The following CADPS variants were observed in gnomAD, a reference collection of about 807,000 sequenced individuals.
CADPS encodes the protein calcium dependent secretion activator, also known as calcium-dependent secretion activator 1.
Under a neutral mutation model 167.3 loss-of-function variants are expected in CADPS, and 57 were observed. The ratio of observed to expected loss-of-function variants is 0.34; its 90% CI spans 0.28 to 0.42. CADPS has a LOEUF of 0.42. Ranked by LOEUF, CADPS falls within the 20% of genes least tolerant of loss-of-function variation. CADPS has a pLI of 1.00. For synonymous variants in CADPS, 676 were observed against 635.3 expected, an observed-to-expected ratio of 1.06 and a Z score of -0.96; for missense variants, 1,414 against 1,738.1, an observed-to-expected ratio of 0.81 and a Z score of 3.32.
Position 62,421,764 on chromosome 3 carries a change from G to T in CADPS, c.3777+16340C>A, listed in dbSNP as rs981556213. Among the ~76,000 whole-genome samples, 6 of 152,160 alleles carry T rather than the reference G, an allele frequency of 3.9e-5. No homozygotes were observed. Among genetic ancestry groups the T allele is most frequent in the Admixed American group, 2.0e-4 (3 of 15,286 alleles). ...GTGTGAGGCTGGAGACGCATTTGGA[G>T]TTCTTTCCTAGGGATGGAGGGATGC... On this transcript the variant is annotated intron_variant, in intron 28 of 29. Transcript: ENST00000383710. The surrounding 1 kb of genome is among the most constrained non-coding windows in gnomAD (Gnocchi z 4.7).
Position 62,683,163 on chromosome 3 carries a change from C to T in CADPS, c.889-20769G>A, listed in dbSNP as rs1427703829. 3.9e-5 allele frequency among the ~76,000 whole-genome samples: 6 copies of T among 151,916 alleles called. 1 individual carries two copies. The highest frequency in any genetic ancestry group is 1.5e-4 in the African/African-American group (6 of 41,314). On this transcript the variant is annotated intron_variant, in intron 3 of 29. Coordinates refer to ENST00000383710, the MANE Select transcript of CADPS (RefSeq NM_003716.4). The stretch of plus-strand genomic sequence containing the variant: ...TGTAGATCATGGGAAAGCTAAGCGT[C>T]TCTATGAACATGCTAGAAGCAATAA...
chr3:62,481,236 C>T (rs941431544), intron 22 of CADPS, among the ~76,000 whole-genome samples: 1 of 152,158 alleles, frequency 6.6e-6, no homozygotes, highest in Non-Finnish European at 1.5e-5. Flanking sequence ...TTACTATATC[C>T]TGCCATTTGC....
intron 27 of CADPS, among the ~76,000 whole-genome samples, 197 bp downstream of exon 27, chr3:62,445,568 C>T (rs536720727): frequency 9.2e-5 from 14 of 151,870 alleles, no homozygotes; most frequent in East Asian, 1.9e-4. Flanking sequence ...GAAACCATAC[C>T]GTCTTCTTAT....
At chr3:62,698,292 C>T (rs2080719224) in intron 3 of CADPS, among the ~76,000 whole-genome samples, 1 of 152,078 alleles carries the variant, frequency 6.6e-6, no homozygotes, top group Non-Finnish European at 1.5e-5. Flanking sequence ...TATACTTGCC[C>T]AAAGTTACTA....
chr3:62,405,659 C>T (rs1708218658), intron 28 of CADPS, among the ~76,000 whole-genome samples: 1 of 152,128 alleles, frequency 6.6e-6, no homozygotes, highest in South Asian at 2.1e-4. Context: ...CGCAGCCTCC[C>T]ACCCCAGGAG....
intron 7 of CADPS, 50 bp from the exon 8 acceptor site, chr3:62,585,374 T>A: frequency 6.4e-7 from 1 of 1,566,514 alleles, no homozygotes; most frequent in Non-Finnish European, 8.6e-7. Context: ...ACCATTATGT[T>A]TTTATAGATT....
chr3:62,866,020 C>A (rs1641805148), intron 1 of CADPS, among the ~76,000 whole-genome samples: 1 of 152,206 alleles, frequency 6.6e-6, no homozygotes, highest in African/African-American at 2.4e-5. Context: ...AAAATGCACA[C>A]CCAATATGAA....
intron 9 of CADPS, among the ~76,000 whole-genome samples, chr3:62,566,907 T>A (rs2080326687): frequency 1.3e-5 from 2 of 152,176 alleles, no homozygotes; most frequent in Non-Finnish European, 1.5e-5. Context: ...ATTCTGAACT[T>A]ATTTTCTCCT....
intron 1 of CADPS, among the ~76,000 whole-genome samples, chr3:62,852,403 A>G (rs2078805089): frequency 6.6e-6 from 1 of 152,010 alleles, no homozygotes; most frequent in Non-Finnish European, 1.5e-5. Context: ...AGCTGTTCCT[A>G]TTCGGCCATC....
intron 13 of CADPS, among the ~76,000 whole-genome samples, chr3:62,531,323 T>C (rs1034510593): frequency 6.6e-6 from 1 of 152,150 alleles, no homozygotes; most frequent in African/African-American, 2.4e-5. Context: ...TATGCACAGA[T>C]ACCCCCCAGG....
intron 28 of CADPS, among the ~76,000 whole-genome samples, chr3:62,406,677 A>G (rs1350797296): frequency 6.6e-6 from 1 of 152,184 alleles, no homozygotes; most frequent in African/African-American, 2.4e-5. Context: ...AAAACACAGC[A>G]CTAAAGAAAT....
At chr3:62,842,783 CT>C (rs1420972448) in intron 1 of CADPS, among the ~76,000 whole-genome samples, 2 of 152,166 alleles carry the variant, frequency 1.3e-5, no homozygotes, top group East Asian at 3.9e-4. Flanking sequence ...TGCACTGCCC[CT>C]ATCTCACTCT....
intron 23 of CADPS, among the ~76,000 whole-genome samples, chr3:62,474,830 A>G (rs977884055): frequency 2.0e-5 from 3 of 152,312 alleles, no homozygotes; most frequent in Admixed American, 6.5e-5. Context: ...ACAAAAATTT[A>G]AAATCCAGCA....
intron 29 of CADPS, among the ~76,000 whole-genome samples, chr3:62,400,515 T>C (rs1247390980): frequency 6.6e-6 from 1 of 152,034 alleles, no homozygotes. Flanking sequence ...GTTTCTCCTA[T>C]TGATATAGGA....
chr3:62,719,094 G>A (rs1297302578), intron 3 of CADPS, among the ~76,000 whole-genome samples: 1 of 152,194 alleles, frequency 6.6e-6, no homozygotes, highest in African/African-American at 2.4e-5. Flanking sequence ...TAAATGAGCT[G>A]AGTCCCTCAA....
intron 3 of CADPS, among the ~76,000 whole-genome samples, chr3:62,745,349 AG>A (rs2081230801): frequency 6.6e-6 from 1 of 152,194 alleles, no homozygotes; most frequent in Admixed American, 6.5e-5. Flanking sequence ...CTGGCATTAC[AG>A]ACGTGAGCCA....
intron 9 of CADPS, among the ~76,000 whole-genome samples, chr3:62,568,273 T>C (rs1396761734): frequency 6.6e-6 from 1 of 152,138 alleles, no homozygotes; most frequent in Admixed American, 6.5e-5. Flanking sequence ...TTTCTGGGTG[T>C]GTCTGTGAGG....
At chr3:62,642,952 CAAAA>C (rs1563247693) in intron 6 of CADPS, among the ~76,000 whole-genome samples, 6 of 151,434 alleles carry the variant, frequency 4.0e-5, no homozygotes, top group African/African-American at 1.5e-4. Flanking sequence ...CAAAACAAAA[CAAAA>C]CAAAACCCAA....
intron 16 of CADPS, chr3:62,513,491 A>G: frequency 1.7e-6 from 1 of 589,078 alleles, no homozygotes; most frequent in Non-Finnish European, 3.1e-6. Flanking sequence ...GACTTCTCAC[A>G]CTGGGTTTCA....
Sources: gnomAD v4.1 joint callset for allele counts (sites outside exome capture counted in the v4.1 genomes callset) on GRCh38, gnomAD v4.1.1 for gene constraint, Gnocchi (gnomAD v3.1) non-coding constraint, MANE v1.5 for transcripts, NCBI Gene and HGNC (gene_info 2026-07-23, HGNC 2026-07-21) for gene names.